NPHP1: variants seen among roughly 807,000 people sequenced by gnomAD.
NPHP1 encodes the protein nephrocystin-1.
NPHP1 carries 70 observed loss-of-function variants against 90.4 expected under a neutral mutation model. The ratio of observed to expected loss-of-function variants is 0.77; its 90% CI spans 0.64 to 0.95. NPHP1 has a LOEUF of 0.95. NPHP1 is among the 40% of genes least tolerant of loss of function. The pLI, the probability that NPHP1 is intolerant of heterozygous loss-of-function variation, is 0.00. For synonymous variants in NPHP1, 256 were observed against 271.7 expected, an observed-to-expected ratio of 0.94 and a Z score of 0.57; for missense variants, 764 against 795.9, an observed-to-expected ratio of 0.96 and a Z score of 0.48.
At chr2:110,204,546 G>A (rs1280515358) in intron 1 of NPHP1, among the ~76,000 whole-genome samples, 2 of 152,168 alleles carry the variant, frequency 1.3e-5, no homozygotes, top group East Asian at 3.9e-4. Context: ...AGTTGGGTTG[G>A]AAATGGTTAC....
At chr2:110,198,798 CCT>C (rs3086118) in intron 2 of NPHP1, among the ~76,000 whole-genome samples, 47,460 of 151,770 alleles carry the variant, frequency 0.31, 8,011 homozygotes, top group East Asian at 0.57. Flanking sequence ...AGGAAGGACC[CCT>C]CTCTATCTAA....
At chr2:110,147,150 C>T (rs577598822) in intron 13 of NPHP1, among the ~76,000 whole-genome samples, 1 of 152,176 alleles carries the variant, frequency 6.6e-6, no homozygotes, top group South Asian at 2.1e-4. Context: ...CATATCAGTA[C>T]TACATGGGAT....
At chr2:110,130,231 T>C (rs12999216) in intron 17 of NPHP1, among the ~76,000 whole-genome samples, 72,194 of 152,140 alleles carry the variant, frequency 0.47, 20,075 homozygotes, top group Non-Finnish European at 0.61. Flanking sequence ...ACTGAAACCA[T>C]AGCAGACACT....
intron 2 of NPHP1, among the ~76,000 whole-genome samples, chr2:110,189,266 G>A (rs1168668907): frequency 6.6e-6 from 1 of 152,158 alleles, no homozygotes; most frequent in African/African-American, 2.4e-5. Context: ...CGCAGTGAGT[G>A]TTATAGTTCT....
Position 110,186,176 on chromosome 2 carries a change from G to GCCTCTTTCTC in NPHP1, c.144-6502_144-6493dup, listed in dbSNP as rs1478995648. Among the ~76,000 whole-genome samples the GCCTCTTTCTC allele has an allele frequency of 1.5e-4, 23 of 152,162 alleles. 1 individual carries two copies. Among genetic ancestry groups the GCCTCTTTCTC allele is most frequent in the Admixed American group, 1.5e-3 (23 of 15,282 alleles). ...GCTATACTCAAAGACACTCCCACCA[G>GCCTCTTTCTC]CCTCTTTCTCCCTCTTTCTCTTGCT... On this transcript the variant is annotated intron_variant, in intron 2 of 19. Transcript: ENST00000445609.
At chr2:110,199,723 T>C (rs933619390) in intron 2 of NPHP1, among the ~76,000 whole-genome samples, 2 of 152,026 alleles carry the variant, frequency 1.3e-5, no homozygotes, top group Admixed American at 1.3e-4. Context: ...AATACCTGAC[T>C]CAAAGGTGTT....
intron 11 of NPHP1, among the ~76,000 whole-genome samples, chr2:110,159,758 C>T (rs1392741701): frequency 6.6e-6 from 1 of 151,830 alleles, no homozygotes; most frequent in Non-Finnish European, 1.5e-5. Flanking sequence ...AAAATTTTCT[C>T]TTTGGTCCAT....
intron 2 of NPHP1, among the ~76,000 whole-genome samples, chr2:110,185,376 T>A (rs1306400986): frequency 2.0e-5 from 3 of 152,182 alleles, no homozygotes; most frequent in African/African-American, 7.2e-5. Flanking sequence ...ACGATGGTGA[T>A]GGCCTGAGGC....
chr2:110,169,501 A>G (rs1188019124), intron 5 of NPHP1, among the ~76,000 whole-genome samples: 1 of 152,076 alleles, frequency 6.6e-6, no homozygotes, highest in Non-Finnish European at 1.5e-5. Flanking sequence ...ACCTCCACCT[A>G]TGGACATTGC....
At chr2:110,126,132 A>G (rs10177824) in intron 18 of NPHP1, 11,655 of 201,628 alleles carry the variant, frequency 0.058, 462 homozygotes, top group African/African-American at 0.12. Context: ...TTGTGAGTAA[A>G]TATTTCTAAT....
chr2:110,157,688 T>C (rs1331440346), intron 11 of NPHP1, among the ~76,000 whole-genome samples: 1 of 152,136 alleles, frequency 6.6e-6, no homozygotes, highest in African/African-American at 2.4e-5. Context: ...TCGTTGATTT[T>C]TACTCCCAGA....
intron 15 of NPHP1, 183 bp downstream of exon 15, chr2:110,144,310 T>C: frequency 1.7e-6 from 1 of 591,198 alleles, no homozygotes; most frequent in East Asian, 2.9e-5. Context: ...TGTCTTAGAG[T>C]CTCATATGTG....
At position 110,183,285 on chromosome 2, in the gene NPHP1, C is replaced by T. The variant is rs538683976; in HGVS notation, c.144-3601G>A. 4.0e-4 allele frequency among the ~76,000 whole-genome samples: 61 copies of T among 152,272 alleles called. 1 individual carries two copies. Among genetic ancestry groups the T allele is most frequent in the African/African-American group, 1.4e-3 (60 of 41,566 alleles). ...ATGAGGGAAAGGAACACCTGGCCCA[C>T]CCAGGGCGGAAAACTGCTTAAAGGC... On this transcript the variant is annotated intron_variant, in intron 2 of 19. Coordinates refer to ENST00000445609, the MANE Select transcript of NPHP1 (RefSeq NM_001128178.3).
At chr2:110,147,079 T>A (rs1681108164) in intron 13 of NPHP1, among the ~76,000 whole-genome samples, 1 of 152,180 alleles carries the variant, frequency 6.6e-6, no homozygotes, top group Non-Finnish European at 1.5e-5. Context: ...AAACCAATGA[T>A]GTGGCAACTG....
chr2:110,134,187 T>C (rs1484533691), intron 16 of NPHP1, among the ~76,000 whole-genome samples: 1 of 151,778 alleles, frequency 6.6e-6, no homozygotes, highest in Non-Finnish European at 1.5e-5. Context: ...TTTACAGAAA[T>C]AAAAAATGTG....
At chr2:110,140,390 T>C (rs1680536103) in intron 16 of NPHP1, among the ~76,000 whole-genome samples, 1 of 152,038 alleles carries the variant, frequency 6.6e-6, no homozygotes, top group African/African-American at 2.4e-5. Context: ...AATGACGCAG[T>C]CCTGAGGTAT....
Position 110,129,261 on chromosome 2 carries a change from T to C in NPHP1, c.1643-2A>G. 6.2e-7 allele frequency: 1 copy of C among 1,611,358 alleles called. No individual in the cohort carries two copies. The highest frequency in any genetic ancestry group is 8.5e-7 in the Non-Finnish European group (1 of 1,177,722). On this transcript the variant is annotated splice_acceptor_variant, in intron 17 of 19. Coordinates refer to ENST00000445609, the MANE Select transcript of NPHP1 (RefSeq NM_001128178.3). LOFTEE classifies it high-confidence loss of function. ...CCAGCATGGGATGGCTAATTAAATC[T>C]GAAATGCAAAACAACAGAAAGAATT...
chr2:110,184,556 T>A, intron 2 of NPHP1: 1 of 1,317,212 alleles, frequency 7.6e-7, no homozygotes, highest in Non-Finnish European at 1.1e-6. Flanking sequence ...TCACCCATGC[T>A]GTGCCCATCT....
chr2:110,124,075 C>T lies in NPHP1; in HGVS notation c.1762-12G>A, dbSNP rs1224236164. The T allele has an allele frequency of 2.5e-6, 4 of 1,613,524 alleles. No individual in the cohort carries two copies. In the African/African-American group the frequency reaches 4.0e-5, roughly 16 times the overall value. ...AACTCTTTGTCTCTCTGGGAAAACA[C>T]CACCCCCACAAATAACATTGTTATT... On this transcript the variant is annotated splice_polypyrimidine_tract_variant and intron_variant, in intron 19 of 19. Transcript: ENST00000445609.
Sources: allele counts gnomAD v4.1 joint callset (sites outside exome capture counted in the v4.1 genomes callset), GRCh38; gene constraint gnomAD v4.1.1; transcripts MANE v1.5; gene names NCBI Gene and HGNC (gene_info 2026-07-23, HGNC 2026-07-21).